Variants in HDX observed in about 807,000 individuals in gnomAD.
The protein encoded by HDX is highly divergent homeobox.
Under a neutral mutation model 45.2 loss-of-function variants are expected in HDX, and 19 were observed. The ratio of observed to expected loss-of-function variants is 0.42; its 90% CI spans 0.29 to 0.62. The LOEUF is 0.62. Among genes scored for constraint, HDX ranks in the 20% least tolerant of loss-of-function variants. HDX has a pLI of 0.20. For missense variants in HDX, 532 were observed against 493.9 expected, an observed-to-expected ratio of 1.08 and a Z score of -0.73; for synonymous variants, 188 against 172.8, an observed-to-expected ratio of 1.09 and a Z score of -0.69.
At chrX:84,371,303 A>C (rs979806305) in intron 5 of HDX, among the ~76,000 whole-genome samples, 1 of 112,163 alleles carries the variant, frequency 8.9e-6, no homozygotes, top group Non-Finnish European at 1.9e-5. Context: ...ATTGCTAAAA[A>C]AGATTAAATG....
intron 6 of HDX, among the ~76,000 whole-genome samples, chrX:84,354,972 T>TATAC (rs1217971602): frequency 1.4e-5 from 1 of 70,897 alleles, no homozygotes; most frequent in Non-Finnish European, 2.7e-5. Flanking sequence ...TATATATATA[T>TATAC]ACACATACAT....
chrX:84,399,289 G>T (rs1368330689), intron 5 of HDX, among the ~76,000 whole-genome samples: 1 of 108,595 alleles, frequency 9.2e-6, no homozygotes, highest in Non-Finnish European at 1.9e-5. Context: ...GCTGTTTTTT[G>T]AAAAAATTAA....
intron 5 of HDX, among the ~76,000 whole-genome samples, chrX:84,418,849 G>A (rs1052258086): frequency 9.0e-6 from 1 of 110,651 alleles, no homozygotes; most frequent in Non-Finnish European, 1.9e-5. Context: ...ACCCTAGGCT[G>A]CACAGCTCAT....
chrX:84,369,200 T>C (rs2037834844), intron 5 of HDX, among the ~76,000 whole-genome samples: 1 of 112,243 alleles, frequency 8.9e-6, no homozygotes, highest in East Asian at 2.8e-4. Context: ...TAATTTCACT[T>C]AGCATAATGT....
chrX:84,373,770 G>A, intron 5 of HDX, among the ~76,000 whole-genome samples: 1 of 111,230 alleles, frequency 9.0e-6, no homozygotes, highest in South Asian at 3.9e-4. Context: ...AAAATAATAA[G>A]AGCTATTTAT....
rs763524827 is a variant in HDX at position 84,320,997 on chromosome X, A to T, written c.*892T>A. On this transcript the variant is annotated 3_prime_UTR_variant, in exon 11 of 11. Transcript: ENST00000373177. Reference sequence around the variant, plus strand: ...AGCTGAATGACTAAATTTTTAAAAAATCTCAGCAGCTTACCTTGACTTCCT... The same window carrying T: ...AGCTGAATGACTAAATTTTTAAAAATTCTCAGCAGCTTACCTTGACTTCCT... 1 of 110,966 alleles carries T rather than the reference A, an allele frequency of 9.0e-6. No individual in the cohort carries two copies. Among genetic ancestry groups the T allele is most frequent in the Non-Finnish European group, 1.9e-5 (1 of 52,431 alleles). 9.1% of individuals were successfully genotyped at this position (110,966 alleles called of 1,213,427 possible).
At chrX:84,365,114 C>T (rs1291011737) in intron 5 of HDX, among the ~76,000 whole-genome samples, 1 of 108,965 alleles carries the variant, frequency 9.2e-6, no homozygotes, top group African/African-American at 3.4e-5. Flanking sequence ...TTTTTCAATA[C>T]CAGATGTGAG....
chrX:84,396,540 T>C (rs899730779), intron 5 of HDX, among the ~76,000 whole-genome samples: 2 of 112,026 alleles, frequency 1.8e-5, no homozygotes, highest in Admixed American at 9.4e-5. Context: ...TGGATTTCAG[T>C]TGTGGCTGTG....
At chrX:84,460,233 CAAAAT>C (rs1036640821) in intron 4 of HDX, among the ~76,000 whole-genome samples, 8 of 111,475 alleles carry the variant, frequency 7.2e-5, no homozygotes, top group South Asian at 3.7e-4. Context: ...TGTCTCAAAA[CAAAAT>C]AAAACAAAAA....
At chrX:84,346,589 AG>A (rs757213546) in intron 6 of HDX, among the ~76,000 whole-genome samples, 139 of 111,358 alleles carry the variant, frequency 1.2e-3, no homozygotes, top group Non-Finnish European at 1.9e-3. Flanking sequence ...AAGTATGACC[AG>A]CTTAGCTGAC....
intron 5 of HDX, among the ~76,000 whole-genome samples, chrX:84,421,645 A>G (rs2039255486): frequency 9.1e-6 from 1 of 110,232 alleles, no homozygotes. Context: ...TAAAAAAAAA[A>G]AAACCATTGA....
intron 1 of HDX, among the ~76,000 whole-genome samples, chrX:84,492,973 C>T (rs1382960211): frequency 3.8e-5 from 4 of 105,375 alleles, no homozygotes; most frequent in Admixed American, 1.0e-4. Flanking sequence ...AGTGCAATGG[C>T]GCGATTTCGG....
intron 5 of HDX, among the ~76,000 whole-genome samples, chrX:84,428,726 A>G (rs1316360191): frequency 1.8e-5 from 2 of 110,793 alleles, no homozygotes; most frequent in Admixed American, 1.9e-4. Context: ...ATACATTCTA[A>G]TTTATCAATT....
At chrX:84,334,945 T>A (rs1046305991) in intron 8 of HDX, among the ~76,000 whole-genome samples, 1 of 110,899 alleles carries the variant, frequency 9.0e-6, no homozygotes, top group African/African-American at 3.3e-5. Context: ...TATACATATA[T>A]GAACACACAT....
chrX:84,408,764 G>A (rs2038905064), intron 5 of HDX, among the ~76,000 whole-genome samples: 1 of 109,589 alleles, frequency 9.1e-6, no homozygotes, highest in African/African-American at 3.3e-5. Flanking sequence ...ACTTCTCTGT[G>A]TAGCGATCTT....
At chrX:84,325,459 A>G (rs1004356216) in intron 10 of HDX, among the ~76,000 whole-genome samples, 3 of 111,758 alleles carry the variant, frequency 2.7e-5, no homozygotes, top group African/African-American at 9.7e-5. Flanking sequence ...ATAATTTAAT[A>G]TTACATGGTA....
intron 5 of HDX, among the ~76,000 whole-genome samples, chrX:84,386,870 T>G (rs1455514109): frequency 9.0e-6 from 1 of 111,643 alleles, no homozygotes; most frequent in East Asian, 2.8e-4. Context: ...AGTTATTTAT[T>G]TTCTTCTGCT....
chrX:84,390,935 G>A (rs1415619513), intron 5 of HDX, among the ~76,000 whole-genome samples: 1 of 111,710 alleles, frequency 9.0e-6, no homozygotes, highest in Non-Finnish European at 1.9e-5. Context: ...CCAGCATCTG[G>A]AGTATTTATC....
At chrX:84,405,220 C>T (rs1310954104) in intron 5 of HDX, among the ~76,000 whole-genome samples, 1 of 110,496 alleles carries the variant, frequency 9.1e-6, no homozygotes, top group Non-Finnish European at 1.9e-5. Context: ...TTTAGTCACA[C>T]AACTTGTAAA....
Sources: gnomAD v4.1 joint callset for allele counts (sites outside exome capture counted in the v4.1 genomes callset) on GRCh38, gnomAD v4.1.1 for gene constraint, MANE v1.5 for transcripts, NCBI Gene and HGNC (gene_info 2026-07-23, HGNC 2026-07-21) for gene names.